Variants in CIAO3 observed in about 807,000 individuals in gnomAD.
CIAO3 encodes LET1 like/JFP15.
In CIAO3, 45 loss-of-function variants were observed where a neutral mutation model predicts 51.5. The observed-to-expected ratio is 0.87, with a 90% CI of 0.69 to 1.12. The LOEUF (loss-of-function observed/expected upper bound fraction) is 1.12. Ranked by LOEUF, CIAO3 falls within the 50% of genes most tolerant of loss-of-function variation. The pLI is 0.00. For missense variants in CIAO3, 668 were observed against 632.5 expected, an observed-to-expected ratio of 1.06 and a Z score of -0.60; for synonymous variants, 314 against 269.3, an observed-to-expected ratio of 1.17 and a Z score of -1.63.
intron 4 of CIAO3, 100 bp downstream of exon 4, chr16:736,166 C>T: frequency 6.8e-7 from 1 of 1,464,384 alleles, no homozygotes; most frequent in Non-Finnish European, 9.4e-7. Flanking sequence ...AAGTTCAGGG[C>T]TGGGTAGCGT....
chr16:734,417 C>A, intron 5 of CIAO3, 70 bp from the exon 6 acceptor site: 1 of 1,166,098 alleles, frequency 8.6e-7, no homozygotes, highest in South Asian at 1.3e-5. Context: ...GGCAGCAGCA[C>A]GACATTCTGG....
intron 5 of CIAO3, 149 bp from the exon 6 acceptor site, chr16:734,496 C>G: frequency 1.2e-6 from 1 of 854,710 alleles, no homozygotes; most frequent in South Asian, 1.5e-5. Flanking sequence ...TCCCCACCAC[C>G]ACGCGGAGCT....
At chr16:734,012 C>T in intron 6 of CIAO3, 1 of 543,968 alleles carries the variant, frequency 1.8e-6, no homozygotes, top group Non-Finnish European at 3.3e-6. Flanking sequence ...GGCCTGGCTG[C>T]CTCTGGGTGA....
chr16:740,530 C>T (rs536844169), intron 1 of CIAO3: 66 of 316,202 alleles, frequency 2.1e-4, no homozygotes, highest in Non-Finnish European at 2.9e-4. Flanking sequence ...GAGGCCCCGG[C>T]CCGGGCCCCG....
chr16:737,486 A>T lies in CIAO3; in HGVS notation c.163-157T>A. The T allele has an allele frequency of 1.3e-6, 2 of 1,519,558 alleles. No homozygotes were observed. Among genetic ancestry groups the T allele is most frequent in the South Asian group, 2.4e-5 (2 of 82,258 alleles). The allele number at this position is 1,519,558 out of a possible 1,614,324, so 94.1% of individuals were successfully genotyped here. On this transcript the variant is annotated intron_variant, in intron 2 of 10. Transcript: ENST00000251588. The surrounding 1 kb of genome is among the most constrained non-coding windows in gnomAD (Gnocchi z 5.3). ...TAAAAATTAGGTATGTATTACAAAAATGCACACGCACGCTCTACAGTTTCA... is the reference window on the plus strand; with the variant it reads ...TAAAAATTAGGTATGTATTACAAAATTGCACACGCACGCTCTACAGTTTCA...
In CIAO3 at chr16:730,142, C is replaced by A. The variant is rs1007788187; in HGVS notation, c.*275G>T. On this transcript the variant is annotated 3_prime_UTR_variant, in exon 11 of 11. Coordinates refer to ENST00000251588, the MANE Select transcript of CIAO3 (RefSeq NM_022493.3). ...CAGCAAGGGCAGCACCTGTGGGCCT[C>A]GGCCCAGGGCCAACGGAACAGGCTC... is the stretch of plus-strand genomic sequence containing the variant. The A allele has an allele frequency of 1.8e-5, 10 of 544,090 alleles. No homozygotes were observed. Among genetic ancestry groups the A allele is most frequent in the Non-Finnish European group, 3.3e-5 (10 of 304,234 alleles). The allele number at this position is 544,090 out of a possible 1,614,324, so 33.7% of individuals were successfully genotyped here. A position where few individuals can be genotyped will look rare whatever the true frequency, so the allele number is the denominator to read the frequency against.
At chr16:735,499 T>C (rs897291510) in intron 4 of CIAO3, 1 of 152,268 alleles carries the variant, frequency 6.6e-6, no homozygotes, top group African/African-American at 2.4e-5. Flanking sequence ...GTCATCATCA[T>C]CTCTAAGTAA....
chr16:730,041 G>A lies in CIAO3; in HGVS notation c.*376C>T. On this transcript the variant is annotated 3_prime_UTR_variant, in exon 11 of 11. Transcript: ENST00000251588. ...GGAAGCCTCCAGAAGTCAGGGGTGA[G>A]AACCCGTCTTGCTCTGCCTCAGGCA... 2.7e-6 allele frequency: 1 copy of A among 376,836 alleles called. No individual in the cohort carries two copies. 23.3% of individuals were successfully genotyped at this position (376,836 alleles called of 1,614,324 possible).
At chr16:734,500 C>T (rs746824103) in intron 5 of CIAO3, 153 bp from the exon 6 acceptor site, 15 of 855,824 alleles carry the variant, frequency 1.8e-5, no homozygotes, top group Admixed American at 4.1e-5. Context: ...CACCACCACG[C>T]GGAGCTCGGC....
chr16:736,891 T>C (rs2041344593), intron 3 of CIAO3: 1 of 415,680 alleles, frequency 2.4e-6, no homozygotes, highest in Non-Finnish European at 4.4e-6. Flanking sequence ...CTCGAACTCC[T>C]GACCTCAGGT....
rs2041282662 is a variant in CIAO3, at chr16:731,545, A to G, written c.1034+20T>C. On this transcript the variant is annotated intron_variant, in intron 9 of 10. Coordinates refer to ENST00000251588, the MANE Select transcript of CIAO3 (RefSeq NM_022493.3). Reference sequence around the variant, plus strand: ...GGCTGTGTGGCCGCTCTGCCCAGAGATCTGGCCCATCCCACTGACCTCAGG... The same window carrying G: ...GGCTGTGTGGCCGCTCTGCCCAGAGGTCTGGCCCATCCCACTGACCTCAGG... 8 of 1,551,698 alleles carry G rather than the reference A, an allele frequency of 5.2e-6. No individual in the cohort carries two copies. In the South Asian group the frequency reaches 9.6e-5, roughly 19 times the overall value.
At chr16:740,817 C>T (rs1420598591) in intron 1 of CIAO3, 103 bp downstream of exon 1, 1 of 1,245,562 alleles carries the variant, frequency 8.0e-7, no homozygotes, top group East Asian at 2.8e-5. Flanking sequence ...TCCCGGGATT[C>T]GGATCTCATT....
rs1029317217 is a variant in CIAO3, at chr16:734,573, T to A, written c.574+164A>T. ...GCGTGGCTCCCACGGGAGGGCAGCC[T>A]CTTCTCCAGAAAAGGCCATTTGTGC... is the stretch of plus-strand genomic sequence containing the variant. On this transcript the variant is annotated intron_variant, in intron 5 of 10. Transcript: ENST00000251588. 4 of 1,317,968 alleles carry A rather than the reference T, an allele frequency of 3.0e-6. No individual in the cohort carries two copies. The African/African-American group carries it at 5.8e-5, about 19-fold the overall frequency. The allele number at this position is 1,317,968 out of a possible 1,614,324, so 81.6% of individuals were successfully genotyped here. A position where few individuals can be genotyped will look rare whatever the true frequency, so the allele number is the denominator to read the frequency against.
chr16:730,964 C>T lies in CIAO3; in HGVS notation c.1071G>A (p.Glu357=). Residue 357 remains glutamate (E), a synonymous_variant, in exon 10 of 11, where the codon GAG becomes GAA. Coordinates refer to ENST00000251588, the MANE Select transcript of CIAO3 (RefSeq NM_022493.3). The part of the protein sequence containing the change: ...KDFQEVTLEK[E]GQVLLHFAMA... ...TTGCGAAGTGCAGCAGCACCTGGCC[C>T]TCCTTCTCCAGTGTCACCTCCTGGA... The T allele has an allele frequency of 3.7e-6, 6 of 1,612,990 alleles. No individual in the cohort carries two copies. Among genetic ancestry groups the T allele is most frequent in the Non-Finnish European group, 5.1e-6 (6 of 1,179,984 alleles).
At position 731,667 on chromosome 16, in the gene CIAO3, T is replaced by C; in HGVS notation, c.932A>G (p.His311Arg). ...SGASAEEPTS[H>R]RGGGSGGYLE... ...GTAGCCCCCCGAGCCCCCTCCCCGA[T>C]GGCTGGTGGGCTCCTCTGCAGAGGC... Residue 311 changes from histidine to arginine, a missense_variant, in exon 9 of 11, where the codon CAT becomes CGT. Transcript: ENST00000251588. 1 of 1,558,348 alleles carries C rather than the reference T, an allele frequency of 6.4e-7. No individual in the cohort carries two copies. The highest frequency in any genetic ancestry group is 1.2e-5 in the South Asian group (1 of 84,852).
intron 4 of CIAO3, 114 bp from the exon 5 acceptor site, chr16:734,985 C>T (rs2041323912): frequency 1.0e-5 from 14 of 1,366,672 alleles, no homozygotes; most frequent in Middle Eastern, 2.6e-4. Context: ...ACCTGCTTGC[C>T]GTGCCAAAGC....
In CIAO3 at chr16:737,647, C is replaced by G. The variant is rs527278636; in HGVS notation, c.163-318G>C. The G allele has an allele frequency of 1.5e-6, 2 of 1,348,524 alleles. No individual in the cohort carries two copies. The highest frequency in any genetic ancestry group is 2.2e-5 in the Admixed American group (1 of 45,144). The allele number at this position is 1,348,524 out of a possible 1,614,324, so 83.5% of individuals were successfully genotyped here. ...GGGGCCCTGGACGGGGTGCTGGCCC[C>G]GGTGCACACTCACAGGGCTGTAGGG... On this transcript the variant is annotated intron_variant, in intron 2 of 10. Coordinates refer to ENST00000251588, the MANE Select transcript of CIAO3 (RefSeq NM_022493.3). This position sits in a 1 kb window ranked among gnomAD's most constrained non-coding sequence, Gnocchi z 5.3.
At chr16:731,399 GA>G (rs2041280765) in intron 9 of CIAO3, 165 bp downstream of exon 9, 1 of 995,514 alleles carries the variant, frequency 1.0e-6, no homozygotes, top group African/African-American at 1.6e-5. Flanking sequence ...TTCACACCCT[GA>G]GCCCGCCAGG....
chr16:731,582 A>G lies in CIAO3; in HGVS notation c.1017T>C (p.Val339=), dbSNP rs1178462984. 6.4e-7 allele frequency: 1 copy of G among 1,567,344 alleles called. No individual in the cohort carries two copies. Among genetic ancestry groups the G allele is most frequent in the Non-Finnish European group, 8.6e-7 (1 of 1,156,674 alleles). Residue 339 remains valine, a synonymous_variant, in exon 9 of 11, where the codon GTT becomes GTC. Transcript: ENST00000251588. ...CCACTGACCTCAGGGGTTTGTAGGT[A>G]ACCTCAGCCACATGGATTCCAAAGA... ...RELFGIHVAE[V]TYKPLRNKDF...
Sources: gnomAD v4.1 joint callset for allele counts on GRCh38, gnomAD v4.1.1 for gene constraint, Gnocchi (gnomAD v3.1) non-coding constraint, MANE v1.5 for transcripts, NCBI Gene and HGNC (gene_info 2026-07-23, HGNC 2026-07-21) for gene names.